CTNND2: variants seen among roughly 807,000 people sequenced by gnomAD.
CTNND2 encodes catenin delta-2.
In CTNND2, 22 loss-of-function variants were observed where a neutral mutation model predicts 144.4. That is an observed-to-expected ratio of 0.15 (90% CI 0.11 to 0.22). The LOEUF (loss-of-function observed/expected upper bound fraction) is 0.22, where lower values mean the gene tolerates loss of function less well. Among genes scored for constraint, CTNND2 ranks in the 10% least tolerant of loss-of-function variants. The pLI is 1.00. For missense variants in CTNND2, 1,353 were observed against 1,618.8 expected (o/e 0.84, Z 2.82); for synonymous variants, 751 against 695.6 (o/e 1.08, Z -1.25).
At chr5:11,558,956 C>A (rs541783541) in intron 3 of CTNND2, among the ~76,000 whole-genome samples, 1 of 152,198 alleles carries the variant, frequency 6.6e-6, no homozygotes, top group South Asian at 2.1e-4. Flanking sequence ...ACTACCACCC[C>A]CTTTTCTGGC....
intron 1 of CTNND2, among the ~76,000 whole-genome samples, chr5:11,781,304 A>G (rs946011892): frequency 3.3e-5 from 5 of 152,158 alleles, no homozygotes; most frequent in African/African-American, 1.2e-4. Flanking sequence ...TGCCTTTCCA[A>G]TTTCATGCTG....
At chr5:11,610,872 T>G (rs1205007959) in intron 2 of CTNND2, among the ~76,000 whole-genome samples, 1 of 152,196 alleles carries the variant, frequency 6.6e-6, no homozygotes. Flanking sequence ...TTCACTTGAA[T>G]GAGAAGATAT....
At chr5:10,992,855 C>T (rs1274319843) in intron 18 of CTNND2, among the ~76,000 whole-genome samples, 178 bp from the exon 19 acceptor site, 3 of 152,162 alleles carry the variant, frequency 2.0e-5, no homozygotes, top group Non-Finnish European at 4.4e-5. Context: ...TGAAGACACA[C>T]CTCCTTCCCT....
At chr5:11,667,438 G>A (rs1378935005) in intron 2 of CTNND2, among the ~76,000 whole-genome samples, 1 of 152,126 alleles carries the variant, frequency 6.6e-6, no homozygotes, top group Non-Finnish European at 1.5e-5. Context: ...GTTGTTTCCT[G>A]ACTTTTTAAT....
chr5:11,325,475 T>C (rs1237664022), intron 9 of CTNND2, among the ~76,000 whole-genome samples: 1 of 152,172 alleles, frequency 6.6e-6, no homozygotes, highest in East Asian at 1.9e-4. Context: ...TCTTAAACAT[T>C]ATTTTATTGA....
rs115045326 is a variant in CTNND2, at chr5:11,077,234, C to A, written c.2788+5462G>T. Among the ~76,000 whole-genome samples, 1,482 of 152,048 alleles carry A rather than the reference C, an allele frequency of 9.7e-3. 25 individuals are homozygous for A. Among genetic ancestry groups the A allele is most frequent in the African/African-American group, 0.03 (1,240 of 41,460 alleles). On this transcript the variant is annotated intron_variant, in intron 16 of 21. Coordinates refer to ENST00000304623, the MANE Select transcript of CTNND2 (RefSeq NM_001332.4). ...GAACTCTCTGCTCTTAACAGGCTTA[C>A]CTTACAGTGGGGAAAGATGGAAATA...
chr5:11,664,993 T>G (rs1433616761), intron 2 of CTNND2, among the ~76,000 whole-genome samples: 2 of 152,136 alleles, frequency 1.3e-5, no homozygotes, highest in Non-Finnish European at 1.5e-5. Flanking sequence ...AATGTTAATA[T>G]TTGGTGTCAC....
chr5:11,540,061 A>T (rs368591519), intron 3 of CTNND2, among the ~76,000 whole-genome samples: 9 of 152,172 alleles, frequency 5.9e-5, no homozygotes, highest in East Asian at 1.9e-4. Context: ...AATTAAAAAT[A>T]AACGTATAAA....
At chr5:11,733,596 G>C (rs1787515899) in intron 1 of CTNND2, among the ~76,000 whole-genome samples, 1 of 152,150 alleles carries the variant, frequency 6.6e-6, no homozygotes, top group Non-Finnish European at 1.5e-5. Flanking sequence ...AATAATTAAA[G>C]AGATACCTGA....
chr5:11,251,755 A>C (rs1215305323), intron 9 of CTNND2, among the ~76,000 whole-genome samples: 1 of 152,220 alleles, frequency 6.6e-6, no homozygotes, highest in Non-Finnish European at 1.5e-5. Flanking sequence ...GTCTTGTAAA[A>C]GTTTATACTC....
chr5:11,192,336 G>C (rs114451926), intron 11 of CTNND2, among the ~76,000 whole-genome samples: 1 of 152,130 alleles, frequency 6.6e-6, no homozygotes, highest in Non-Finnish European at 1.5e-5. Flanking sequence ...GGGTCTCCAT[G>C]TGCTCACTTC....
intron 12 of CTNND2, among the ~76,000 whole-genome samples, chr5:11,124,779 C>T (rs1209206296): frequency 6.6e-6 from 1 of 152,040 alleles, no homozygotes; most frequent in African/African-American, 2.4e-5. Flanking sequence ...TATTTTGTTC[C>T]AAGTTTTGTA....
chr5:11,697,995 T>C (rs1785214680), intron 2 of CTNND2, among the ~76,000 whole-genome samples: 1 of 152,192 alleles, frequency 6.6e-6, no homozygotes, highest in Admixed American at 6.5e-5. Context: ...GCTTTTATTC[T>C]AAGCTGGCAG....
chr5:11,852,387 C>G (rs1251375107), intron 1 of CTNND2, among the ~76,000 whole-genome samples: 1 of 152,104 alleles, frequency 6.6e-6, no homozygotes, highest in Non-Finnish European at 1.5e-5. Flanking sequence ...ATATTCCTAC[C>G]TTGACCCTAA....
intron 14 of CTNND2, among the ~76,000 whole-genome samples, chr5:11,104,590 T>TA (rs2149675533): frequency 6.6e-6 from 1 of 152,232 alleles, no homozygotes; most frequent in Non-Finnish European, 1.5e-5. Flanking sequence ...TGATGGGTAT[T>TA]CAAAAACTCC....
intron 3 of CTNND2, among the ~76,000 whole-genome samples, chr5:11,439,765 T>TATCTATC (rs901726211): frequency 5.3e-5 from 8 of 151,144 alleles, no homozygotes; most frequent in African/African-American, 1.9e-4. Context: ...TCTATCTATC[T>TATCTATC]ATCTATCTAT....
chr5:11,754,971 T>A (rs1043487560), intron 1 of CTNND2, among the ~76,000 whole-genome samples: 4 of 151,800 alleles, frequency 2.6e-5, no homozygotes, highest in Non-Finnish European at 5.9e-5. Context: ...ACAGATTTGA[T>A]CATATTATCT....
chr5:11,260,107 A>G (rs981715500), intron 9 of CTNND2, among the ~76,000 whole-genome samples: 6 of 152,278 alleles, frequency 3.9e-5, no homozygotes, highest in African/African-American at 1.2e-4. Context: ...TGATGTGTTC[A>G]TATCTAATAT....
intron 9 of CTNND2, among the ~76,000 whole-genome samples, chr5:11,253,215 A>G (rs1264365184): frequency 1.3e-5 from 2 of 152,000 alleles, no homozygotes; most frequent in African/African-American, 4.8e-5. Context: ...TTGGCTTCTC[A>G]CTGGGCCCCA....
Sources: gnomAD v4.1 joint callset for allele counts (sites outside exome capture counted in the v4.1 genomes callset) on GRCh38, gnomAD v4.1.1 for gene constraint, MANE v1.5 for transcripts, NCBI Gene and HGNC (gene_info 2026-07-23, HGNC 2026-07-21) for gene names.